Variants in RBFOX1 observed in about 807,000 individuals in gnomAD.
RBFOX1 encodes RNA binding protein fox-1 homolog 1.
Under a neutral mutation model 57.7 loss-of-function variants are expected in RBFOX1, and 8 were observed. The observed-to-expected ratio is 0.14, with a 90% CI of 0.08 to 0.25. The LOEUF is 0.25. Among genes scored for constraint, RBFOX1 ranks in the 10% least tolerant of loss-of-function variants. The pLI is 1.00. For missense variants in RBFOX1, 611 were observed against 548.5 expected, an observed-to-expected ratio of 1.11 and a Z score of -1.14; for synonymous variants, 326 against 222.4, an observed-to-expected ratio of 1.47 and a Z score of -4.15.
intron 1 of RBFOX1, among the ~76,000 whole-genome samples, chr16:5,385,410 C>G (rs2066230937): frequency 6.6e-6 from 1 of 152,176 alleles, no homozygotes; most frequent in South Asian, 2.1e-4. Flanking sequence ...AAATGTCACT[C>G]CACCCTTAGT....
At chr16:7,195,548 T>C (rs906649257) in intron 4 of RBFOX1, among the ~76,000 whole-genome samples, 8 of 152,136 alleles carry the variant, frequency 5.3e-5, no homozygotes, top group African/African-American at 1.9e-4. Flanking sequence ...TTTATTTATG[T>C]ATTTATTTAT....
At chr16:6,125,803 G>A (rs1251607652) in intron 1 of RBFOX1, among the ~76,000 whole-genome samples, 1 of 152,120 alleles carries the variant, frequency 6.6e-6, no homozygotes, top group Admixed American at 6.5e-5. Flanking sequence ...GCAAAGGGTT[G>A]GTAGGCTATT....
intron 1 of RBFOX1, among the ~76,000 whole-genome samples, chr16:5,340,333 G>A (rs1434103190): frequency 2.0e-5 from 3 of 152,220 alleles, no homozygotes; most frequent in Non-Finnish European, 4.4e-5. Context: ...CTCACATTAA[G>A]TTAGTATATT....
In RBFOX1 at chr16:5,578,419, A is replaced by C. The variant is rs532647094; in HGVS notation, c.259-20483A>C. Among the ~76,000 whole-genome samples, 6 of 152,298 alleles carry C rather than the reference A, an allele frequency of 3.9e-5. 1 individual carries two copies. The highest frequency in any genetic ancestry group is 1.4e-4 in the African/African-American group (6 of 41,574). On this transcript the variant is annotated intron_variant, in intron 2 of 2. Coordinates refer to the RBFOX1 transcript ENST00000585867. ...AGGAGAGGTTTGTTCCAGTTCCCTT[A>C]TCCTCCCTGAATCCCAAGAAGGACC...
chr16:6,621,275 C>A (rs1038323132), intron 2 of RBFOX1, among the ~76,000 whole-genome samples: 4 of 151,886 alleles, frequency 2.6e-5, no homozygotes, highest in Non-Finnish European at 4.4e-5. Flanking sequence ...TCTTGGCTAA[C>A]ACGGTGAAAC....
At chr16:6,486,710 T>C (rs920330182) in intron 2 of RBFOX1, among the ~76,000 whole-genome samples, 29 of 152,240 alleles carry the variant, frequency 1.9e-4, no homozygotes, top group African/African-American at 7.0e-4. Context: ...CCAAAAACTT[T>C]GGAGTGTGTT....
intron 1 of RBFOX1, among the ~76,000 whole-genome samples, chr16:6,106,824 T>C (rs1056295296): frequency 1.3e-5 from 2 of 152,082 alleles, no homozygotes; most frequent in Non-Finnish European, 2.9e-5. Flanking sequence ...CCCATCACCA[T>C]GCCTGGCTAA....
At chr16:5,880,943 A>T (rs2057746766) in intron 4 of RBFOX1, among the ~76,000 whole-genome samples, 1 of 152,238 alleles carries the variant, frequency 6.6e-6, no homozygotes, top group Non-Finnish European at 1.5e-5. Context: ...GCATTATGAT[A>T]TTTTGAGATA....
At chr16:6,168,818 C>CT (rs1027823436) in intron 1 of RBFOX1, among the ~76,000 whole-genome samples, 4,991 of 143,804 alleles carry the variant, frequency 0.035, 247 homozygotes, top group African/African-American at 0.11. Context: ...CACTTTTTTA[C>CT]TTTTTTTTTT....
intron 4 of RBFOX1, among the ~76,000 whole-genome samples, chr16:7,215,590 T>C (rs1044878949): frequency 6.6e-6 from 1 of 152,188 alleles, no homozygotes; most frequent in Non-Finnish European, 1.5e-5. Flanking sequence ...TGTACAGCCA[T>C]GACCACATTC....
At chr16:5,726,091 T>A (rs2052141679) in intron 3 of RBFOX1, among the ~76,000 whole-genome samples, 2 of 152,106 alleles carry the variant, frequency 1.3e-5, no homozygotes, top group Non-Finnish European at 2.9e-5. Flanking sequence ...TTATTTTTTT[T>A]AATAAAGCTT....
chr16:6,747,474 GTTTATCTA>G (rs934598195), intron 3 of RBFOX1, among the ~76,000 whole-genome samples: 57 of 141,094 alleles, frequency 4.0e-4, no homozygotes, highest in African/African-American at 1.6e-3. Context: ...CTGTCTGTCT[GTTTATCTA>G]TCTGTCTATC....
chr16:6,572,520 A>T (rs941492809), intron 2 of RBFOX1, among the ~76,000 whole-genome samples: 25 of 152,170 alleles, frequency 1.6e-4, no homozygotes, highest in African/African-American at 5.8e-4. Flanking sequence ...ATTTAGCGTG[A>T]ACCGTAGCAT....
chr16:5,474,614 A>G (rs909901593), intron 2 of RBFOX1, among the ~76,000 whole-genome samples: 1 of 151,940 alleles, frequency 6.6e-6, no homozygotes, highest in African/African-American at 2.4e-5. Context: ...AGATCGCGCC[A>G]TTGCACTCCA....
intron 14 of RBFOX1, chr16:7,693,281 C>G: frequency 6.3e-7 from 1 of 1,597,352 alleles, no homozygotes; most frequent in Admixed American, 1.7e-5. Flanking sequence ...TCCCCCTGAG[C>G]GAGCAGTATT....
chr16:5,454,747 T>C lies in RBFOX1; in HGVS notation c.220-12469T>C, dbSNP rs918969499. On this transcript the variant is annotated intron_variant, in intron 1 of 2. Transcript: ENST00000585867. ...AATCTCTCTCTTTCTTTCTTTCTTT[T>C]TCTTTTCTTTTCTTTCTTTCTCTTT... Among the ~76,000 whole-genome samples, 422 of 131,758 alleles carry C rather than the reference T, an allele frequency of 3.2e-3. 3 individuals are homozygous for C. Among genetic ancestry groups the C allele is most frequent in the African/African-American group, 0.013 (406 of 31,444 alleles). The allele number at this position is 131,758 out of a possible 152,430, so 86.4% of individuals were successfully genotyped here. A position where few individuals can be genotyped will look rare whatever the true frequency, so the allele number is the denominator to read the frequency against.
In RBFOX1 at chr16:6,531,483, C is replaced by T. The variant is rs1047045893; in HGVS notation, c.-63-123120C>T. On this transcript the variant is annotated intron_variant, in intron 2 of 15. Coordinates refer to ENST00000550418, the MANE Select transcript of RBFOX1 (RefSeq NM_018723.4). The stretch of plus-strand genomic sequence containing the variant: ...TATGATTACATTTAGGACAGGTTCT[C>T]ATGAACGTGGGAAAATGGTGAAATA... 9.9e-5 allele frequency among the ~76,000 whole-genome samples: 15 copies of T among 152,212 alleles called. No individual in the cohort carries two copies. In the East Asian group the frequency reaches 1.2e-3, roughly 12 times the overall value.
chr16:5,870,269 C>G (rs920636622), intron 4 of RBFOX1, among the ~76,000 whole-genome samples: 1 of 149,634 alleles, frequency 6.7e-6, no homozygotes, highest in Non-Finnish European at 1.5e-5. Flanking sequence ...TGGGAATGTC[C>G]AACACTCTCA....
At chr16:7,460,844 G>T (rs886160095) in intron 4 of RBFOX1, among the ~76,000 whole-genome samples, 4 of 152,108 alleles carry the variant, frequency 2.6e-5, no homozygotes, top group African/African-American at 9.7e-5. Flanking sequence ...CAAAATTTCT[G>T]ATTTGATATG....
Sources: allele counts gnomAD v4.1 joint callset (sites outside exome capture counted in the v4.1 genomes callset), GRCh38; gene constraint gnomAD v4.1.1; transcripts MANE v1.5; gene names NCBI Gene and HGNC (gene_info 2026-07-23, HGNC 2026-07-21).